VAV1: variants seen among roughly 807,000 people sequenced by gnomAD.
VAV1 encodes vav guanine nucleotide exchange factor 1, also known as proto-oncogene vav.
In VAV1, 33 loss-of-function variants were observed where a neutral mutation model predicts 128.1. That is an observed-to-expected ratio of 0.26 (90% CI 0.20 to 0.34). The LOEUF is 0.34. Among genes scored for constraint, VAV1 ranks in the 10% least tolerant of loss-of-function variants. The pLI, the probability that VAV1 is intolerant of heterozygous loss-of-function variation, is 1.00. For synonymous variants in VAV1, 394 were observed against 409.8 expected (o/e 0.96, Z 0.47); for missense variants, 715 against 1,093.7 (o/e 0.65, Z 4.88).
rs1054542798 is a variant in VAV1 at position 6,777,140 on chromosome 19, CCCAT to C, written c.204+4141_204+4144del. ...TCCATCCATCCATCCATCCACCCAT[CCCAT>C]CCATCCATCCACTCATCCACCCGTC... On this transcript the variant is annotated intron_variant, in intron 1 of 26. Transcript: ENST00000602142. This position sits in a 1 kb window ranked among gnomAD's most constrained non-coding sequence, Gnocchi z 4.4. Among the ~76,000 whole-genome samples, 2 of 151,448 alleles carry C rather than the reference CCCAT, an allele frequency of 1.3e-5. No homozygotes were observed. Among genetic ancestry groups the C allele is most frequent in the Non-Finnish European group, 2.9e-5 (2 of 67,840 alleles).
chr19:6,777,148 T>A lies in VAV1; in HGVS notation c.204+4137T>A, dbSNP rs1298422247. ...TCCATCCATCCACCCATCCCATCCA[T>A]CCATCCACTCATCCACCCGTCTACT... On this transcript the variant is annotated intron_variant, in intron 1 of 26. Coordinates refer to ENST00000602142, the MANE Select transcript of VAV1 (RefSeq NM_005428.4). The surrounding 1 kb of genome is among the most constrained non-coding windows in gnomAD (Gnocchi z 4.4). Among the ~76,000 whole-genome samples the A allele has an allele frequency of 6.6e-6, 1 of 151,246 alleles. No individual in the cohort carries two copies. The highest frequency in any genetic ancestry group is 1.5e-5 in the Non-Finnish European group (1 of 67,810).
At chr19:6,823,990 T>A (rs1315844625) in intron 6 of VAV1, among the ~76,000 whole-genome samples, 1 of 152,038 alleles carries the variant, frequency 6.6e-6, no homozygotes, top group Non-Finnish European at 1.5e-5. Context: ...CAGGCTGGAG[T>A]GCAGTGGCAC....
intron 23 of VAV1, among the ~76,000 whole-genome samples, chr19:6,850,118 T>G (rs1453517365): frequency 6.6e-6 from 1 of 150,954 alleles, no homozygotes; most frequent in Non-Finnish European, 1.5e-5. Flanking sequence ...TATTTTTGGC[T>G]CCTGTGAATT....
chr19:6,816,227 A>T (rs1387305798), intron 1 of VAV1, among the ~76,000 whole-genome samples: 1 of 151,898 alleles, frequency 6.6e-6, no homozygotes, highest in Non-Finnish European at 1.5e-5. Flanking sequence ...TCACCGTGTT[A>T]ATCAGGATGG....
chr19:6,847,830 G>A (rs1170120740), intron 22 of VAV1, among the ~76,000 whole-genome samples, 168 bp from the exon 23 acceptor site: 2 of 152,184 alleles, frequency 1.3e-5, no homozygotes, highest in Non-Finnish European at 1.5e-5. Context: ...TCTGGGCTCC[G>A]GCCCCTGCCT....
At position 6,833,168 on chromosome 19, in the gene VAV1, A is replaced by C; in HGVS notation, c.1509-16A>C. 1 of 1,532,084 alleles carries C rather than the reference A, an allele frequency of 6.5e-7. No individual in the cohort carries two copies. The highest frequency in any genetic ancestry group is 1.5e-5 in the African/African-American group (1 of 67,446). The allele number at this position is 1,532,084 out of a possible 1,614,324, so 94.9% of individuals were successfully genotyped here. On this transcript the variant is annotated splice_polypyrimidine_tract_variant and intron_variant, in intron 15 of 26. Transcript: ENST00000602142. ...CTGACCTTCTTTTTTTTTTTTTTTT[A>C]ATTTTCCCCTGCCAGCTCCAACATC... is the stretch of plus-strand genomic sequence containing the variant.
At chr19:6,808,438 C>A (rs921409257) in intron 1 of VAV1, among the ~76,000 whole-genome samples, 3 of 152,154 alleles carry the variant, frequency 2.0e-5, no homozygotes, top group East Asian at 3.8e-4. Context: ...TAGCAGAGAA[C>A]CAAAGTAACA....
chr19:6,836,833 GACACACACACACACACACACAC>G (rs60215253), intron 20 of VAV1, 130 bp from the exon 21 acceptor site: 587,900 of 873,808 alleles, frequency 0.67, 178,257 homozygotes, highest in Non-Finnish European at 0.73. Flanking sequence ...CAGAGAGATG[GACACACACACACACACACACAC>G]ACACACACAC....
chr19:6,815,517 G>A (rs964817662), intron 1 of VAV1, among the ~76,000 whole-genome samples: 1 of 152,196 alleles, frequency 6.6e-6, no homozygotes, highest in African/African-American at 2.4e-5. Flanking sequence ...AAACACAAAA[G>A]AGTTAAAGTT....
chr19:6,822,204 G>T lies in VAV1; in HGVS notation c.450-17G>T, dbSNP rs1414670934. 8 of 1,564,090 alleles carry T rather than the reference G, an allele frequency of 5.1e-6. No homozygotes were observed. The highest frequency in any genetic ancestry group is 6.9e-6 in the Non-Finnish European group (8 of 1,154,336). On this transcript the variant is annotated splice_polypyrimidine_tract_variant and intron_variant, in intron 4 of 26. Transcript: ENST00000602142. This position sits in a 1 kb window ranked among gnomAD's most constrained non-coding sequence, Gnocchi z 5.9. ...TCTGGGAGAGGTCCAAGGGATCCCTGACCTCACAACCCACAGCGACACGGT... is the reference window on the plus strand; with the variant it reads ...TCTGGGAGAGGTCCAAGGGATCCCTTACCTCACAACCCACAGCGACACGGT...
At chr19:6,823,089 T>TA (rs1428949991) in intron 6 of VAV1, among the ~76,000 whole-genome samples, 1 of 148,792 alleles carries the variant, frequency 6.7e-6, no homozygotes, top group East Asian at 1.9e-4. Context: ...TACCTTTATA[T>TA]ATCTTATATA....
intron 1 of VAV1, among the ~76,000 whole-genome samples, chr19:6,776,294 A>G (rs1226713336): frequency 6.7e-6 from 1 of 148,180 alleles, no homozygotes; most frequent in Non-Finnish European, 1.5e-5. Flanking sequence ...TCATCCATCC[A>G]TCCATCCATC....
chr19:6,854,025 A>C lies in VAV1; in HGVS notation c.2411A>C (p.Lys804Thr), dbSNP rs777550036. The C allele has an allele frequency of 2.9e-5, 46 of 1,613,862 alleles. No homozygotes were observed. The Middle Eastern group carries it at 1.2e-3, about 40-fold the overall frequency. The change falls in exon 26 of 27, where the codon AAG (lysine) becomes ACG (threonine). Residue 804 changes from lysine to threonine, a missense_variant. Lys to Thr is a moderately conservative substitution (Grantham distance 78). This residue lies in a region of VAV1 where 407 missense variants were observed against 580.6 expected (regional missense o/e 0.70). Coordinates refer to ENST00000602142, the MANE Select transcript of VAV1 (RefSeq NM_005428.4). ...CGAGACCGATCAGAGCTGTCGCTCA[A>C]GGAGGGTGACATCATCAAGATCCTT... ...CARDRSELSL[K>T]EGDIIKILNK...
intron 1 of VAV1, among the ~76,000 whole-genome samples, chr19:6,792,049 C>A (rs1971030999): frequency 6.6e-6 from 1 of 152,034 alleles, no homozygotes; most frequent in Middle Eastern, 3.2e-3. Context: ...TTAAGCAGAT[C>A]AATTGTTTAA....
chr19:6,832,162 A>G lies in VAV1; in HGVS notation c.1470A>G (p.Glu490=). The G allele has an allele frequency of 6.2e-7, 1 of 1,614,120 alleles. No homozygotes were observed. Among genetic ancestry groups the G allele is most frequent in the Non-Finnish European group, 8.5e-7 (1 of 1,179,998 alleles). The change falls in exon 15 of 27, where the codon GAA becomes GAG. Residue 490 remains glutamate (E), a synonymous_variant. Transcript: ENST00000602142. ...ATGAGCTGTTCTTCAAGACAAGAGA[A>G]TTGAAGAAGAAGTGGATGGAGCAGT... The part of the protein sequence containing the change: ...QGYELFFKTR[E]LKKKWMEQFE...
intron 1 of VAV1, among the ~76,000 whole-genome samples, chr19:6,811,888 G>A (rs927144478): frequency 5.3e-5 from 8 of 152,152 alleles, no homozygotes; most frequent in African/African-American, 9.7e-5. Flanking sequence ...GTTCCAGGTC[G>A]GGGGGCTTTT....
chr19:6,786,758 G>A (rs1284901990), intron 1 of VAV1, among the ~76,000 whole-genome samples: 2 of 152,068 alleles, frequency 1.3e-5, no homozygotes, highest in Non-Finnish European at 2.9e-5. Context: ...ACTCTAGCCT[G>A]AGCAACAGAG....
At chr19:6,773,167 C>T (rs2144678114) in intron 1 of VAV1, among the ~76,000 whole-genome samples, 156 bp downstream of exon 1, 1 of 152,262 alleles carries the variant, frequency 6.6e-6, no homozygotes. Context: ...TGGTCACAAT[C>T]TGAGATTCTG....
chr19:6,818,252 T>A (rs1017048046), intron 1 of VAV1, among the ~76,000 whole-genome samples: 4 of 152,200 alleles, frequency 2.6e-5, no homozygotes, highest in African/African-American at 9.6e-5. Flanking sequence ...GAAGGTGTCC[T>A]TTGAGGAAAG....
Sources: gnomAD v4.1 joint callset for allele counts (sites outside exome capture counted in the v4.1 genomes callset) on GRCh38, gnomAD v4.1.1 for gene constraint, gnomAD v4.1.1 regional missense constraint, Gnocchi (gnomAD v3.1) non-coding constraint, MANE v1.5 for transcripts, NCBI Gene and HGNC (gene_info 2026-07-23, HGNC 2026-07-21) for gene names.